DLGAP4: variants seen among roughly 807,000 people sequenced by gnomAD.
The protein encoded by DLGAP4 is disks large-associated protein 4.
Under a neutral mutation model 86.9 loss-of-function variants are expected in DLGAP4, and 18 were observed. That is an observed-to-expected ratio of 0.21 (90% CI 0.14 to 0.31). DLGAP4 has a LOEUF of 0.31. Ranked by LOEUF, DLGAP4 falls within the 10% of genes least tolerant of loss-of-function variation. DLGAP4 has a pLI of 1.00. For missense variants in DLGAP4, 1,085 were observed against 1,362.6 expected (o/e 0.80, Z 3.21); for synonymous variants, 548 against 574.3 (o/e 0.95, Z 0.65).
At chr20:36,417,842 T>C (rs138744006) in intron 2 of DLGAP4, among the ~76,000 whole-genome samples, 1,758 of 152,088 alleles carry the variant, frequency 0.012, 29 homozygotes, top group African/African-American at 0.039. Flanking sequence ...TGGAATGCAG[T>C]GGCACAATCT....
intron 2 of DLGAP4, among the ~76,000 whole-genome samples, chr20:36,419,162 A>C (rs1310218427): frequency 4.0e-5 from 6 of 150,846 alleles, no homozygotes; most frequent in Admixed American, 6.6e-5. Flanking sequence ...TACTCTTGTC[A>C]CCTAGACTGG....
At chr20:36,341,361 C>A (rs1555892478) in intron 1 of DLGAP4, among the ~76,000 whole-genome samples, 1 of 152,176 alleles carries the variant, frequency 6.6e-6, no homozygotes, top group Non-Finnish European at 1.5e-5. Context: ...TTTTGTCTCA[C>A]CCCCTTGCCA....
Position 36,393,111 on chromosome 20 carries a change from G to A in DLGAP4, c.-73+25836G>A, listed in dbSNP as rs1282846949. Among the ~76,000 whole-genome samples the A allele has an allele frequency of 1.3e-5, 2 of 152,140 alleles. No homozygotes were observed. Among genetic ancestry groups the A allele is most frequent in the African/African-American group, 4.8e-5 (2 of 41,426 alleles). ...AAGGAATCATGTGGCCTTCATGAGG[G>A]GTTTGGTTTTGGTCAAGAGCTCAGG... On this transcript the variant is annotated intron_variant, in intron 2 of 12. Transcript: ENST00000339266. This position sits in a 1 kb window ranked among gnomAD's most constrained non-coding sequence, Gnocchi z 4.4.
At chr20:36,328,001 C>A (rs932946822) in intron 1 of DLGAP4, among the ~76,000 whole-genome samples, 1 of 151,348 alleles carries the variant, frequency 6.6e-6, no homozygotes, top group Non-Finnish European at 1.5e-5. Flanking sequence ...AGGTTCGAGA[C>A]CAGCCTGGCC....
chr20:36,467,012 TCTCTC>T (rs1569509556), intron 7 of DLGAP4, among the ~76,000 whole-genome samples: 2 of 126,362 alleles, frequency 1.6e-5, no homozygotes, highest in Non-Finnish European at 3.2e-5. Flanking sequence ...TCTCTCTCTC[TCTCTC>T]CTCTCTCTCT....
chr20:36,309,230 G>A (rs1380514090), intron 1 of DLGAP4, among the ~76,000 whole-genome samples: 4 of 152,262 alleles, frequency 2.6e-5, no homozygotes, highest in East Asian at 1.9e-4. Flanking sequence ...GTCACCACCC[G>A]CCCAGCCCCG....
chr20:36,519,448 G>GTGCA (rs758753494), intron 10 of DLGAP4, among the ~76,000 whole-genome samples: 4 of 152,114 alleles, frequency 2.6e-5, no homozygotes, highest in Non-Finnish European at 5.9e-5. Flanking sequence ...GTGTGCGTGC[G>GTGCA]TGCATGTACA....
At chr20:36,403,605 G>A (rs1182438705) in intron 2 of DLGAP4, among the ~76,000 whole-genome samples, 2 of 152,222 alleles carry the variant, frequency 1.3e-5, no homozygotes, top group Non-Finnish European at 2.9e-5. Flanking sequence ...GCCCATTTCT[G>A]GAAGTATACA....
At chr20:36,448,723 C>T (rs1233031877) in intron 7 of DLGAP4, among the ~76,000 whole-genome samples, 1 of 152,016 alleles carries the variant, frequency 6.6e-6, no homozygotes, top group African/African-American at 2.4e-5. Context: ...CACTTGAGGT[C>T]AGGAGTTCGA....
intron 7 of DLGAP4, among the ~76,000 whole-genome samples, chr20:36,478,327 A>G (rs2035037429): frequency 6.6e-6 from 1 of 152,002 alleles, no homozygotes; most frequent in Non-Finnish European, 1.5e-5. Context: ...TGCCCTCCCT[A>G]ATCTAGTGCA....
At chr20:36,409,906 C>T (rs1289990805) in intron 2 of DLGAP4, among the ~76,000 whole-genome samples, 11 of 150,956 alleles carry the variant, frequency 7.3e-5, no homozygotes, top group South Asian at 4.2e-4. Context: ...TGGTGGCGGG[C>T]GCCTATAGTC....
In DLGAP4 at chr20:36,436,247, G is replaced by C; in HGVS notation, c.1138G>C (p.Glu380Gln). The change falls in exon 4 of 13, where the codon GAG becomes CAG. Residue 380 changes from glutamate to glutamine, a missense_variant. Physicochemically the swap from Glu to Gln is conservative, Grantham distance 29. Around this residue, in one of 2 missense-constraint regions of DLGAP4, gnomAD observed 1,082 missense variants for 1,344.1 expected, o/e 0.81. Transcript: ENST00000339266. ...IKAMGDEDSD[E>Q]SGGSPKPSPK... ...GGCCATGGGCGACGAGGACAGCGAC[G>C]AGTCCGGCGGCAGCCCCAAGCCCTC... The C allele has an allele frequency of 6.2e-7, 1 of 1,605,656 alleles. No individual in the cohort carries two copies. The highest frequency in any genetic ancestry group is 8.5e-7 in the Non-Finnish European group (1 of 1,179,474).
Position 36,416,341 on chromosome 20 carries a change from C to T in DLGAP4, c.-72-15305C>T, listed in dbSNP as rs149031121. 5.1e-3 allele frequency among the ~76,000 whole-genome samples: 776 copies of T among 152,340 alleles called. 9 individuals carry two copies. Among genetic ancestry groups the T allele is most frequent in the African/African-American group, 0.018 (745 of 41,580 alleles). On this transcript the variant is annotated intron_variant, in intron 2 of 12. Transcript: ENST00000339266. ...TTCACCATGTTGGCTAGGCTGGTCT[C>T]GAACTCCTGACCTCAAGAGACCCAC...
chr20:36,427,595 A>C (rs1249966074), intron 2 of DLGAP4, among the ~76,000 whole-genome samples: 1 of 152,102 alleles, frequency 6.6e-6, no homozygotes, highest in Non-Finnish European at 1.5e-5. Context: ...TAAATTGTAC[A>C]CTTTAAAATG....
At chr20:36,310,288 G>T (rs1411723180) in intron 1 of DLGAP4, among the ~76,000 whole-genome samples, 5 of 152,150 alleles carry the variant, frequency 3.3e-5, no homozygotes, top group Non-Finnish European at 7.4e-5. Context: ...GCCACATGCT[G>T]GTTGAGCTTG....
chr20:36,512,144 G>C (rs1226658613), intron 10 of DLGAP4, among the ~76,000 whole-genome samples: 1 of 146,164 alleles, frequency 6.8e-6, no homozygotes, highest in Non-Finnish European at 1.5e-5. Flanking sequence ...TCCACCTCCC[G>C]GATTCATGCC....
At chr20:36,339,650 G>T (rs151169726) in intron 1 of DLGAP4, among the ~76,000 whole-genome samples, 1 of 152,222 alleles carries the variant, frequency 6.6e-6, no homozygotes, top group East Asian at 1.9e-4. Context: ...GCCCAACCCA[G>T]TGTGTGTTTT....
At chr20:36,384,094 C>G (rs1029282873) in intron 2 of DLGAP4, among the ~76,000 whole-genome samples, 5 of 150,632 alleles carry the variant, frequency 3.3e-5, no homozygotes, top group Non-Finnish European at 7.4e-5. Context: ...GCTTTCATTG[C>G]CACCTCAGCA....
At chr20:36,421,489 C>T (rs2032825974) in intron 2 of DLGAP4, among the ~76,000 whole-genome samples, 1 of 150,318 alleles carries the variant, frequency 6.7e-6, no homozygotes, top group South Asian at 2.1e-4. Context: ...AGGTTTTAGT[C>T]CAAGGGCCAT....
Sources: gnomAD v4.1 joint callset for allele counts (sites outside exome capture counted in the v4.1 genomes callset) on GRCh38, gnomAD v4.1.1 for gene constraint, gnomAD v4.1.1 regional missense constraint, Gnocchi (gnomAD v3.1) non-coding constraint, MANE v1.5 for transcripts, NCBI Gene and HGNC (gene_info 2026-07-23, HGNC 2026-07-21) for gene names.